The following TAFA2 variants were observed in gnomAD, a reference collection of about 807,000 sequenced individuals.
TAFA2 encodes the protein TAFA chemokine like family member 2, also known as chemokine-like protein TAFA-2.
In TAFA2, 7 loss-of-function variants were observed where a neutral mutation model predicts 18.8. That is an observed-to-expected ratio of 0.37 (90% confidence interval 0.21 to 0.70). The LOEUF is 0.70. Ranked by LOEUF, TAFA2 falls within the 30% of genes least tolerant of loss-of-function variation. The pLI is 0.53. For synonymous variants in TAFA2, 60 were observed against 54.2 expected (o/e 1.11, Z -0.47); for missense variants, 122 against 158.1 (o/e 0.77, Z 1.23).
At chr12:61,872,673 G>A (rs1184162917) in intron 1 of TAFA2, among the ~76,000 whole-genome samples, 3 of 151,928 alleles carry the variant, frequency 2.0e-5, no homozygotes, top group East Asian at 1.9e-4. Flanking sequence ...GGTTCCCTAC[G>A]CTTCAAGCAC....
intron 4 of TAFA2, among the ~76,000 whole-genome samples, chr12:61,743,739 T>C (rs2120711769): frequency 6.6e-6 from 1 of 152,092 alleles, no homozygotes; most frequent in East Asian, 1.9e-4. Flanking sequence ...CAGCTGCATC[T>C]TCACCCCACT....
chr12:61,971,125 A>T (rs1879233027), intron 1 of TAFA2, among the ~76,000 whole-genome samples: 1 of 151,688 alleles, frequency 6.6e-6, no homozygotes, highest in African/African-American at 2.4e-5. Context: ...CAAAGACACA[A>T]AGACAATGAA....
chr12:61,931,674 A>G (rs947437505), intron 1 of TAFA2, among the ~76,000 whole-genome samples: 2 of 152,140 alleles, frequency 1.3e-5, no homozygotes, highest in African/African-American at 4.8e-5. Context: ...GTACAGTTTA[A>G]CTCTAGTTCC....
chr12:61,926,455 C>T (rs923292272), intron 1 of TAFA2, among the ~76,000 whole-genome samples: 14 of 152,104 alleles, frequency 9.2e-5, no homozygotes, highest in East Asian at 5.8e-4. Flanking sequence ...CAATAAAATA[C>T]GGGCAAACCA....
intron 1 of TAFA2, among the ~76,000 whole-genome samples, chr12:62,067,695 A>G (rs1297129517): frequency 6.6e-6 from 1 of 151,990 alleles, no homozygotes; most frequent in African/African-American, 2.4e-5. Flanking sequence ...TGGCAGTACC[A>G]TGCCATTTTA....
At chr12:62,051,978 T>A (rs1246721234) in intron 1 of TAFA2, among the ~76,000 whole-genome samples, 1 of 152,118 alleles carries the variant, frequency 6.6e-6, no homozygotes, top group Non-Finnish European at 1.5e-5. Flanking sequence ...AGACAATACA[T>A]AAACTAATAA....
At chr12:61,854,165 G>T (rs771543267) in intron 2 of TAFA2, among the ~76,000 whole-genome samples, 8 of 152,022 alleles carry the variant, frequency 5.3e-5, no homozygotes, top group Non-Finnish European at 1.2e-4. Context: ...ATCTTAGAAG[G>T]AGAGACTATG....
At chr12:62,154,446 C>T (rs114800718) in intron 1 of TAFA2, among the ~76,000 whole-genome samples, 2,196 of 152,194 alleles carry the variant, frequency 0.014, 49 homozygotes, top group African/African-American at 0.046. Context: ...AATGTAGGCT[C>T]TTAAAGCTAG....
At chr12:62,105,235 GT>G (rs1869395875) in intron 1 of TAFA2, among the ~76,000 whole-genome samples, 2 of 152,108 alleles carry the variant, frequency 1.3e-5, no homozygotes, top group Non-Finnish European at 1.5e-5. Context: ...AATGAAAATG[GT>G]TTCTAAACCA....
intron 1 of TAFA2, chr12:62,234,768 T>A: frequency 9.3e-7 from 1 of 1,078,372 alleles, no homozygotes; most frequent in Non-Finnish European, 1.4e-6. Context: ...CTCTGCTGTC[T>A]GTGGAGCAGG....
At chr12:62,052,157 C>G (rs1882071323) in intron 1 of TAFA2, among the ~76,000 whole-genome samples, 1 of 151,700 alleles carries the variant, frequency 6.6e-6, no homozygotes, top group African/African-American at 2.4e-5. Context: ...TCTCATTTTA[C>G]CTTCTCCTTC....
chr12:62,104,891 T>C (rs1425917899), intron 1 of TAFA2: 1 of 272,430 alleles, frequency 3.7e-6, no homozygotes, highest in Non-Finnish European at 7.5e-6. Flanking sequence ...GCTATCTCCC[T>C]GGATGTTTAC....
intron 2 of TAFA2, among the ~76,000 whole-genome samples, chr12:61,811,481 G>C (rs536867129): frequency 6.6e-6 from 1 of 151,476 alleles, no homozygotes; most frequent in South Asian, 2.1e-4. Context: ...TATTTGCAAG[G>C]CATGATGACA....
chr12:62,041,129 A>T lies in TAFA2; in HGVS notation c.-2+150130T>A, dbSNP rs371666330. The stretch of plus-strand genomic sequence containing the variant: ...AGAAACTAAAGCTGAGAAAAAACTA[A>T]TCTTTATGTGAAATTATAAGCCTGC... On this transcript the variant is annotated intron_variant, in intron 1 of 4. Coordinates refer to ENST00000416284, the MANE Select transcript of TAFA2 (RefSeq NM_178539.5). 3.9e-5 allele frequency among the ~76,000 whole-genome samples: 6 copies of T among 152,312 alleles called. No homozygotes were observed. The South Asian group carries it at 6.2e-4, about 16-fold the overall frequency.
intron 1 of TAFA2, among the ~76,000 whole-genome samples, chr12:62,218,961 G>T: frequency 6.6e-6 from 1 of 152,000 alleles, no homozygotes; most frequent in East Asian, 1.9e-4. Flanking sequence ...TGAGATGATA[G>T]AATTAAAATG....
chr12:62,231,642 C>A (rs2062812412), intron 1 of TAFA2, among the ~76,000 whole-genome samples: 1 of 151,852 alleles, frequency 6.6e-6, no homozygotes, highest in Non-Finnish European at 1.5e-5. Flanking sequence ...ACAAAATTTT[C>A]CAAATTTTAT....
chr12:61,740,390 G>T (rs1233129052), intron 4 of TAFA2, among the ~76,000 whole-genome samples: 1 of 151,732 alleles, frequency 6.6e-6, no homozygotes, highest in Non-Finnish European at 1.5e-5. Context: ...GTAGATGATG[G>T]GTTAATGGGT....
rs1331222157 is a variant in TAFA2 at position 62,033,937 on chromosome 12, T to C, written c.-2+157322A>G. ...TTTGTATTTATTTTAAGCTGAACCATATGAAAATGCAATTTTTGTAGTTCA... is the reference window on the plus strand; with the variant it reads ...TTTGTATTTATTTTAAGCTGAACCACATGAAAATGCAATTTTTGTAGTTCA... On this transcript the variant is annotated intron_variant, in intron 1 of 4. Transcript: ENST00000416284. Among the ~76,000 whole-genome samples, 13 of 152,310 alleles carry C rather than the reference T, an allele frequency of 8.5e-5. No homozygotes were observed. The South Asian group carries it at 1.0e-3, about 12-fold the overall frequency.
Position 61,740,409 on chromosome 12 carries a change from C to T in TAFA2, c.384+13213G>A, listed in dbSNP as rs538563629. On this transcript the variant is annotated intron_variant, in intron 4 of 4. Transcript: ENST00000416284. ...ATGATGGGTTAATGGGTGCAGCAAACCACCGTGGCACGTGTATACCTATGT... is the reference window on the plus strand; with the variant it reads ...ATGATGGGTTAATGGGTGCAGCAAATCACCGTGGCACGTGTATACCTATGT... 1.1e-4 allele frequency among the ~76,000 whole-genome samples: 16 copies of T among 151,848 alleles called. No individual in the cohort carries two copies. The South Asian group carries it at 3.3e-3, about 32-fold the overall frequency.
Sources: allele counts gnomAD v4.1 joint callset (sites outside exome capture counted in the v4.1 genomes callset), GRCh38; gene constraint gnomAD v4.1.1; transcripts MANE v1.5; gene names NCBI Gene and HGNC (gene_info 2026-07-23, HGNC 2026-07-21).